PLXNA2: variants seen among roughly 807,000 people sequenced by gnomAD.
PLXNA2 encodes the protein plexin A2.
Under a neutral mutation model 193.5 loss-of-function variants are expected in PLXNA2, and 91 were observed. The observed-to-expected ratio is 0.47, with a 90% CI of 0.40 to 0.56. The LOEUF (loss-of-function observed/expected upper bound fraction) is 0.56. Ranked by LOEUF, PLXNA2 falls within the 20% of genes least tolerant of loss-of-function variation. The pLI is 0.00. For synonymous variants in PLXNA2, 997 were observed against 1,027.3 expected (o/e 0.97, Z 0.56); for missense variants, 1,995 against 2,503.2 (o/e 0.80, Z 4.33).
chr1:208,046,693 A>G (rs1176515837), intron 17 of PLXNA2, among the ~76,000 whole-genome samples: 1 of 151,364 alleles, frequency 6.6e-6, no homozygotes, highest in East Asian at 2.0e-4. Context: ...AGATAAGGAG[A>G]GGGAGGGGGA....
Position 208,084,514 on chromosome 1 carries a change from G to A in PLXNA2, c.2164C>T (p.Leu722Phe). Residue 722 changes from leucine to phenylalanine, a missense_variant, in exon 10 of 32, where the codon CTT becomes TTT. By Grantham distance (22) the Leu-to-Phe change is conservative. Transcript: ENST00000367033. ...GGCTGGGGCAGATTTCGCGCCTTAA[G>A]GGTGATTGGCTTTACCTCCCCGACT... ...IPVGEVKPIT[L>F]KARNLPQPQS... The A allele has an allele frequency of 6.2e-7, 1 of 1,614,244 alleles. No individual in the cohort carries two copies. The highest frequency in any genetic ancestry group is 1.7e-5 in the Admixed American group (1 of 60,038).
intron 3 of PLXNA2, among the ~76,000 whole-genome samples, chr1:208,170,604 T>C (rs767196715): frequency 6.6e-6 from 1 of 152,192 alleles, no homozygotes; most frequent in Admixed American, 6.5e-5. Context: ...CACAAGAAAA[T>C]GGAATGAATC....
chr1:208,084,381 G>C lies in PLXNA2; in HGVS notation c.2297C>G (p.Ser766Trp), dbSNP rs780579422. 1 of 1,614,012 alleles carries C rather than the reference G, an allele frequency of 6.2e-7. No individual in the cohort carries two copies. The change falls in exon 10 of 32, where the codon TCG (serine) becomes TGG (tryptophan). Residue 766 changes from serine (S) to tryptophan (W), a missense_variant and splice_region_variant. This residue lies in a region of PLXNA2 where 1,291 missense variants were observed against 1,673.6 expected (regional missense o/e 0.77). Coordinates refer to ENST00000367033, the MANE Select transcript of PLXNA2 (RefSeq NM_025179.4). ...NSSSVQCQNS[S>W]YQYDGMDISN... ...AGGGCCCAGCCTGCGTTTTCTTACC[G>C]AGCTGTTCTGACACTGAACGCTGGA...
At chr1:208,107,331 TCCTGGGG>T (rs775148429) in intron 4 of PLXNA2, among the ~76,000 whole-genome samples, 85 of 152,278 alleles carry the variant, frequency 5.6e-4, no homozygotes, top group Non-Finnish European at 1.1e-3. Flanking sequence ...AAATGTTAGG[TCCTGGGG>T]CCAGGAAGAA....
At chr1:208,213,206 T>G (rs964462469) in intron 2 of PLXNA2, among the ~76,000 whole-genome samples, 1 of 152,226 alleles carries the variant, frequency 6.6e-6, no homozygotes, top group African/African-American at 2.4e-5. Context: ...CCCTTAGGAT[T>G]GGCTGGAATT....
At chr1:208,197,549 C>T (rs1407092914) in intron 3 of PLXNA2, among the ~76,000 whole-genome samples, 1 of 152,192 alleles carries the variant, frequency 6.6e-6, no homozygotes, top group Non-Finnish European at 1.5e-5. Flanking sequence ...TGGATGGGGA[C>T]CCTTGGAATC....
Position 208,038,282 on chromosome 1 carries a change from C to G in PLXNA2, c.4764+89G>C, listed in dbSNP as rs1256678393. 2.2e-6 allele frequency: 2 copies of G among 897,852 alleles called. No individual in the cohort carries two copies. Among genetic ancestry groups the G allele is most frequent in the African/African-American group, 3.3e-5 (2 of 61,306 alleles). The allele number at this position is 897,852 out of a possible 1,614,324, so 55.6% of individuals were successfully genotyped here. ...GGAGGAAAGCAGGGAGAGGAAAATC[C>G]TTTTTAGACTTTTGAGGCCTTAGAG... On this transcript the variant is annotated intron_variant, in intron 26 of 31. Transcript: ENST00000367033. The surrounding 1 kb of genome is among the most constrained non-coding windows in gnomAD (Gnocchi z 4.1).
intron 9 of PLXNA2, among the ~76,000 whole-genome samples, chr1:208,090,001 G>A (rs1020957353): frequency 6.6e-6 from 1 of 152,300 alleles, no homozygotes; most frequent in South Asian, 2.1e-4. Context: ...CAGAAAAGAG[G>A]GGGGCCTGGC....
intron 3 of PLXNA2, among the ~76,000 whole-genome samples, chr1:208,208,430 AAAT>A (rs1670810408): frequency 6.6e-6 from 1 of 152,248 alleles, no homozygotes; most frequent in Non-Finnish European, 1.5e-5. Context: ...TTTCCCTGTC[AAAT>A]AATGAGAGTA....
intron 3 of PLXNA2, among the ~76,000 whole-genome samples, chr1:208,196,690 G>A (rs559937140): frequency 2.6e-5 from 4 of 152,338 alleles, no homozygotes; most frequent in East Asian, 3.9e-4. Context: ...GGGGCAAGAA[G>A]CTCCTGTTCA....
intron 5 of PLXNA2, among the ~76,000 whole-genome samples, chr1:208,100,305 G>A (rs955727921): frequency 1.3e-5 from 2 of 151,928 alleles, no homozygotes; most frequent in Non-Finnish European, 2.9e-5. Context: ...GTAGTGAGCT[G>A]TGATTGCACC....
rs556783603 is a variant in PLXNA2, at chr1:208,099,106, C to T, written c.1608-137G>A. ...TCTCAAGAAGACTTTTACTGTACTCCGGAGGGCCTTGGTGACTCTCAGACA... is the reference window on the plus strand; with the variant it reads ...TCTCAAGAAGACTTTTACTGTACTCTGGAGGGCCTTGGTGACTCTCAGACA... On this transcript the variant is annotated intron_variant, in intron 5 of 31. Transcript: ENST00000367033. 39 of 1,067,786 alleles carry T rather than the reference C, an allele frequency of 3.7e-5. No individual in the cohort carries two copies. In the Middle Eastern group the frequency reaches 1.3e-3, roughly 34 times the overall value. 66.1% of individuals were successfully genotyped at this position (1,067,786 alleles called of 1,614,324 possible).
chr1:208,148,833 G>C (rs1032589132), intron 3 of PLXNA2, among the ~76,000 whole-genome samples: 8 of 152,198 alleles, frequency 5.3e-5, no homozygotes, highest in Non-Finnish European at 1.0e-4. Flanking sequence ...ACTTCCTGGA[G>C]GAGGTGAGGC....
chr1:208,078,647 T>C (rs961188740), intron 12 of PLXNA2, among the ~76,000 whole-genome samples: 2 of 152,202 alleles, frequency 1.3e-5, no homozygotes, highest in Admixed American at 1.3e-4. Flanking sequence ...TCCCAGGCCA[T>C]TTGAAACCCA....
intron 1 of PLXNA2, among the ~76,000 whole-genome samples, chr1:208,222,736 C>T (rs552943873): frequency 6.6e-6 from 1 of 152,272 alleles, no homozygotes; most frequent in East Asian, 1.9e-4. Context: ...GTGCACATGC[C>T]TCTACGTTTC....
At chr1:208,164,645 A>T (rs1169837658) in intron 3 of PLXNA2, among the ~76,000 whole-genome samples, 1 of 152,218 alleles carries the variant, frequency 6.6e-6, no homozygotes, top group East Asian at 1.9e-4. Flanking sequence ...AACACCTAAG[A>T]TAGAGAAAAC....
intron 22 of PLXNA2, among the ~76,000 whole-genome samples, chr1:208,040,777 C>T (rs1340352452): frequency 6.6e-6 from 1 of 152,172 alleles, no homozygotes; most frequent in Non-Finnish European, 1.5e-5. Context: ...GTCTTGGATC[C>T]CAGCCCTCAG....
At chr1:208,112,950 T>C (rs1667527485) in intron 4 of PLXNA2, among the ~76,000 whole-genome samples, 1 of 138,230 alleles carries the variant, frequency 7.2e-6, no homozygotes, top group African/African-American at 2.8e-5. Context: ...CCAGAAATAC[T>C]AGGGAGGTAG....
chr1:208,220,102 T>C (rs989973700), intron 1 of PLXNA2, among the ~76,000 whole-genome samples: 1 of 152,038 alleles, frequency 6.6e-6, no homozygotes, highest in African/African-American at 2.4e-5. Flanking sequence ...GGTTCCTCCT[T>C]GAGGAGCCGC....
Sources: allele counts gnomAD v4.1 joint callset (sites outside exome capture counted in the v4.1 genomes callset), GRCh38; gene constraint gnomAD v4.1.1; regional missense constraint gnomAD v4.1.1; non-coding constraint Gnocchi (gnomAD v3.1); transcripts MANE v1.5; gene names NCBI Gene and HGNC (gene_info 2026-07-23, HGNC 2026-07-21).